Variants in PIK3R1 observed in about 807,000 individuals in gnomAD.
PIK3R1 encodes the protein phosphatidylinositol 3-kinase regulatory subunit alpha.
Under a neutral mutation model 98.0 loss-of-function variants are expected in PIK3R1, and 29 were observed. The ratio of observed to expected loss-of-function variants is 0.30; its 90% confidence interval spans 0.22 to 0.40. The LOEUF (loss-of-function observed/expected upper bound fraction) is 0.40, where lower values mean the gene tolerates loss of function less well. Among genes scored for constraint, PIK3R1 ranks in the 10% least tolerant of loss-of-function variants. PIK3R1 has a pLI of 1.00. For synonymous variants in PIK3R1, 282 were observed against 311.8 expected, an observed-to-expected ratio of 0.90 and a Z score of 1.01; for missense variants, 596 against 872.7, an observed-to-expected ratio of 0.68 and a Z score of 3.99.
chr5:68,290,779 G>A, intron 7 of PIK3R1: 1 of 1,613,600 alleles, frequency 6.2e-7, no homozygotes, highest in Middle Eastern at 1.6e-4. Context: ...AATATGCCAA[G>A]ACAGATATAA....
intron 4 of PIK3R1, among the ~76,000 whole-genome samples, chr5:68,275,393 T>C (rs1746530195): frequency 6.6e-6 from 1 of 152,038 alleles, no homozygotes; most frequent in Admixed American, 6.6e-5. Flanking sequence ...AGAAAATTGG[T>C]CAAATTATGA....
chr5:68,290,653 A>G (rs1301385031), intron 7 of PIK3R1: 27 of 1,521,308 alleles, frequency 1.8e-5, no homozygotes, highest in Non-Finnish European at 2.4e-5. Context: ...TTTTAAAATG[A>G]ATTCCAAGAC....
intron 2 of PIK3R1, among the ~76,000 whole-genome samples, chr5:68,242,979 C>G (rs1454220265): frequency 2.6e-5 from 4 of 152,044 alleles, no homozygotes; most frequent in African/African-American, 9.7e-5. Context: ...TAGAAAGAAG[C>G]CTTCCTCTTC....
At chr5:68,275,520 TAA>T (rs58065578) in intron 4 of PIK3R1, among the ~76,000 whole-genome samples, 42,732 of 143,034 alleles carry the variant, frequency 0.3, 7,910 homozygotes, top group African/African-American at 0.54. Context: ...TTTAGTTATT[TAA>T]AAAAAAAAAA....
chr5:68,262,653 C>A (rs201836905), intron 2 of PIK3R1, among the ~76,000 whole-genome samples: 413 of 32,924 alleles, frequency 0.013, 1 homozygote, highest in African/African-American at 0.023. Flanking sequence ...ACACATGTAT[C>A]TGCATGTATA....
rs1358667281 is a variant in PIK3R1 at position 68,299,217 on chromosome 5, T to G, written c.*1616T>G. The G allele has an allele frequency of 4.3e-6, 1 of 233,356 alleles. No individual in the cohort carries two copies. Among genetic ancestry groups the G allele is most frequent in the African/African-American group, 2.2e-5 (1 of 45,300 alleles). The allele number at this position is 233,356 out of a possible 1,614,324, so 14.5% of individuals were successfully genotyped here. On this transcript the variant is annotated 3_prime_UTR_variant, in exon 16 of 16. Coordinates refer to ENST00000521381, the MANE Select transcript of PIK3R1 (RefSeq NM_181523.3). ...ACTATCCATCATGACCAGCAAATAC[T>G]CATTTTAGGAAAAAAAAAAGCATGA...
At chr5:68,244,960 T>C (rs1451276712) in intron 2 of PIK3R1, among the ~76,000 whole-genome samples, 1 of 152,192 alleles carries the variant, frequency 6.6e-6, no homozygotes, top group Non-Finnish European at 1.5e-5. Context: ...TTTTCTGTTA[T>C]TGAGGGGCAA....
chr5:68,280,697 C>G lies in PIK3R1; in HGVS notation c.804C>G (p.Phe268Leu). The G allele has an allele frequency of 6.2e-7, 1 of 1,614,090 alleles. No homozygotes were observed. The highest frequency in any genetic ancestry group is 8.5e-7 in the Non-Finnish European group (1 of 1,179,970). ...LLNARVLSEI[F>L]SPMLFRFSAA... ...ATGCAAGAGTACTCTCTGAAATTTT[C>G]AGCCCTATGCTTTTCAGATTCTCAG... Residue 268 changes from phenylalanine (F) to leucine (L), a missense_variant, in exon 6 of 16, where the codon TTC becomes TTG. Around this residue, in one of 3 missense-constraint regions of PIK3R1, gnomAD observed 352 missense variants for 393.3 expected, o/e 0.90. Coordinates refer to ENST00000521381, the MANE Select transcript of PIK3R1 (RefSeq NM_181523.3).
At position 68,296,183 on chromosome 5, in the gene PIK3R1, G is replaced by T. The variant is rs770242249; in HGVS notation, c.1827G>T (p.Leu609=). The T allele has an allele frequency of 1.9e-6, 3 of 1,613,998 alleles. No individual in the cohort carries two copies. The highest frequency in any genetic ancestry group is 1.7e-6 in the Non-Finnish European group (2 of 1,180,002). Residue 609 remains leucine, a synonymous_variant, in exon 15 of 16, where the codon CTG becomes CTT. Transcript: ENST00000521381. ...CCTGCCTGCCTAGCCAATATTCACT[G>T]GTGGAAGATGATGAAGATTTGCCCC... is the stretch of plus-strand genomic sequence containing the variant. ...GNENTEDQYS[L]VEDDEDLPHH... is the part of the protein sequence containing the mutation.
rs1394639227 is a variant in PIK3R1, at chr5:68,298,871, G to A, written c.*1270G>A. The A allele has an allele frequency of 8.6e-6, 2 of 233,326 alleles. No homozygotes were observed. The highest frequency in any genetic ancestry group is 1.7e-5 in the Non-Finnish European group (2 of 117,936). 14.5% of individuals were successfully genotyped at this position (233,326 alleles called of 1,614,324 possible). Reference sequence around the variant, plus strand: ...ATTGTGAACTTCTTGAATCTAGGGAGGGGGAATGTAGTGAAGGGATGTATC... The same window carrying A: ...ATTGTGAACTTCTTGAATCTAGGGAAGGGGAATGTAGTGAAGGGATGTATC... On this transcript the variant is annotated 3_prime_UTR_variant, in exon 16 of 16. Transcript: ENST00000521381.
intron 2 of PIK3R1, among the ~76,000 whole-genome samples, chr5:68,237,851 A>G (rs368455149): frequency 5.9e-5 from 9 of 152,198 alleles, no homozygotes; most frequent in African/African-American, 1.9e-4. Context: ...GGGCAGACCC[A>G]TCTCTTCCCT....
At chr5:68,294,740 T>G in intron 12 of PIK3R1, 62 bp downstream of exon 12, 1 of 1,379,374 alleles carries the variant, frequency 7.2e-7, no homozygotes, top group Non-Finnish European at 9.8e-7. Context: ...CATTTAAAGA[T>G]GATCTCGCTT....
chr5:68,294,682 G>A lies in PIK3R1; in HGVS notation c.1568+4G>A, dbSNP rs1253088884. On this transcript the variant is annotated splice_donor_region_variant and intron_variant, in intron 12 of 15. Coordinates refer to ENST00000521381, the MANE Select transcript of PIK3R1 (RefSeq NM_181523.3). ...GCAATGAGAAAGAAATACAAAGGTT[G>A]GTGTTTCCCTTGTTCTTGTGCTAGA... The A allele has an allele frequency of 6.3e-7, 1 of 1,595,604 alleles. No individual in the cohort carries two copies. The highest frequency in any genetic ancestry group is 2.3e-5 in the East Asian group (1 of 44,124).
chr5:68,236,008 C>A (rs1744651282), intron 2 of PIK3R1, among the ~76,000 whole-genome samples: 1 of 151,618 alleles, frequency 6.6e-6, no homozygotes, highest in Admixed American at 6.6e-5. Context: ...GTAGCTGGGA[C>A]TACAGGCACA....
intron 1 of PIK3R1, among the ~76,000 whole-genome samples, chr5:68,216,859 A>G (rs1375986375): frequency 6.7e-6 from 1 of 148,754 alleles, no homozygotes; most frequent in Non-Finnish European, 1.5e-5. Context: ...ACAGAAATAC[A>G]CTTTGATAAC....
At chr5:68,251,886 G>T (rs2112070907) in intron 2 of PIK3R1, among the ~76,000 whole-genome samples, 1 of 152,256 alleles carries the variant, frequency 6.6e-6, no homozygotes, top group East Asian at 1.9e-4. Context: ...CCCGGTTGGG[G>T]GTGGTGGAGC....
At chr5:68,265,659 T>G (rs867098373) in intron 2 of PIK3R1, among the ~76,000 whole-genome samples, 3 of 152,224 alleles carry the variant, frequency 2.0e-5, no homozygotes, top group Middle Eastern at 6.8e-3. Context: ...ATTATCACAT[T>G]GAGGGTCAGG....
At chr5:68,238,992 A>G (rs1030499506) in intron 2 of PIK3R1, among the ~76,000 whole-genome samples, 1 of 149,508 alleles carries the variant, frequency 6.7e-6, no homozygotes, top group Non-Finnish European at 1.5e-5. Flanking sequence ...AAAAAAAAAT[A>G]GTGCATTGAT....
rs1454425212 is a variant in PIK3R1 at position 68,298,133 on chromosome 5, A to C, written c.*532A>C. 1.3e-5 allele frequency: 3 copies of C among 231,156 alleles called. No individual in the cohort carries two copies. Among genetic ancestry groups the C allele is most frequent in the Admixed American group, 1.1e-4 (2 of 17,704 alleles). 14.3% of individuals were successfully genotyped at this position (231,156 alleles called of 1,614,324 possible). A position where few individuals can be genotyped will look rare whatever the true frequency, so the allele number is the denominator to read the frequency against. On this transcript the variant is annotated 3_prime_UTR_variant, in exon 16 of 16. Coordinates refer to ENST00000521381, the MANE Select transcript of PIK3R1 (RefSeq NM_181523.3). ...TAACAAATGAACGATATGTAGCAGAAAGGCACGTCCACTCACAAGGGACGC... is the reference window on the plus strand; with the variant it reads ...TAACAAATGAACGATATGTAGCAGACAGGCACGTCCACTCACAAGGGACGC...
Sources: gnomAD v4.1 joint callset for allele counts (sites outside exome capture counted in the v4.1 genomes callset) on GRCh38, gnomAD v4.1.1 for gene constraint, gnomAD v4.1.1 regional missense constraint, MANE v1.5 for transcripts, NCBI Gene and HGNC (gene_info 2026-07-23, HGNC 2026-07-21) for gene names.